The following GALNT13 variants were observed in gnomAD, a reference collection of about 807,000 sequenced individuals.
The protein encoded by GALNT13 is polypeptide N-acetylgalactosaminyltransferase 13.
GALNT13 carries 28 observed loss-of-function variants against 64.2 expected under a neutral mutation model. That is an observed-to-expected ratio of 0.44 (90% CI 0.32 to 0.60). GALNT13 has a LOEUF of 0.60. Ranked by LOEUF, GALNT13 falls within the 20% of genes least tolerant of loss-of-function variation. GALNT13 has a pLI of 0.05. For synonymous variants in GALNT13, 214 were observed against 224.6 expected (o/e 0.95, Z 0.42); for missense variants, 577 against 669.8 (o/e 0.86, Z 1.53).
chr2:153,675,094 T>C, the GALNT13 span, among the ~76,000 whole-genome samples: 1 of 152,234 alleles, frequency 6.6e-6, no homozygotes, highest in African/African-American at 2.4e-5. Flanking sequence ...TTGCACTGTT[T>C]GCAGGAGTGT....
intron 3 of GALNT13, among the ~76,000 whole-genome samples, chr2:153,960,326 G>C (rs1418512583): frequency 6.6e-6 from 1 of 152,194 alleles, no homozygotes; most frequent in Non-Finnish European, 1.5e-5. Flanking sequence ...CAGGGCAGGA[G>C]AGCCCCAGAG....
At chr2:153,634,739 C>T in the GALNT13 span, among the ~76,000 whole-genome samples, 4 of 151,326 alleles carry the variant, frequency 2.6e-5, no homozygotes, top group African/African-American at 4.9e-5. Context: ...TTAGTAGAGA[C>T]GGGGTTTCAC....
the GALNT13 span, among the ~76,000 whole-genome samples, chr2:153,672,482 T>C: frequency 6.6e-6 from 1 of 152,022 alleles, no homozygotes; most frequent in East Asian, 1.9e-4. Context: ...AAGGCAGAAA[T>C]AAAGAAGTTC....
chr2:154,227,535 G>A (rs139543328), intron 4 of GALNT13, among the ~76,000 whole-genome samples: 5,813 of 132,978 alleles, frequency 0.044, 374 homozygotes, highest in African/African-American at 0.16. Flanking sequence ...CTGTGTCCAT[G>A]TGTTCTCATT....
chr2:153,448,818 T>C, the GALNT13 span, among the ~76,000 whole-genome samples: 1 of 152,128 alleles, frequency 6.6e-6, no homozygotes, highest in African/African-American at 2.4e-5. Context: ...AATGTCTGTG[T>C]CCCCTTAAAC....
the GALNT13 span, among the ~76,000 whole-genome samples, chr2:153,801,406 C>A: frequency 3.8e-3 from 578 of 151,584 alleles, 3 homozygotes; most frequent in African/African-American, 0.014. Flanking sequence ...TCCTTTCACT[C>A]GAACACTAAG....
chr2:154,381,441 C>T (rs1698265194), intron 9 of GALNT13, among the ~76,000 whole-genome samples: 1 of 152,072 alleles, frequency 6.6e-6, no homozygotes, highest in Non-Finnish European at 1.5e-5. Context: ...GTACATCTCT[C>T]AAATACACTT....
chr2:153,401,014 T>C, the GALNT13 span, among the ~76,000 whole-genome samples: 1 of 151,452 alleles, frequency 6.6e-6, no homozygotes, highest in East Asian at 2.0e-4. Context: ...TTAATTGTGA[T>C]GTTAGGGTGT....
chr2:153,421,743 AGT>A, the GALNT13 span: 1 of 252,780 alleles, frequency 4.0e-6, no homozygotes, highest in Non-Finnish European at 8.3e-6. Context: ...AAACTTCATC[AGT>A]GACTATGGGT....
intron 10 of GALNT13, among the ~76,000 whole-genome samples, chr2:154,407,143 G>A (rs1397733236): frequency 2.0e-5 from 3 of 152,064 alleles, no homozygotes; most frequent in Admixed American, 6.6e-5. Context: ...AATTCAAGCT[G>A]TAACCCCTGT....
At chr2:154,216,540 C>T (rs1688051755) in intron 4 of GALNT13, among the ~76,000 whole-genome samples, 1 of 152,002 alleles carries the variant, frequency 6.6e-6, no homozygotes, top group Admixed American at 6.6e-5. Flanking sequence ...ATGGCTTGCA[C>T]TCGAAAAATG....
At chr2:153,581,842 T>C in the GALNT13 span, among the ~76,000 whole-genome samples, 1 of 152,144 alleles carries the variant, frequency 6.6e-6, no homozygotes, top group East Asian at 1.9e-4. Context: ...AAATGGGATG[T>C]TCAATAATTT....
At chr2:154,024,559 T>A (rs6728492) in intron 3 of GALNT13, among the ~76,000 whole-genome samples, 1 of 152,128 alleles carries the variant, frequency 6.6e-6, no homozygotes. Context: ...CTTTAAGGAC[T>A]TCTCTGCGTT....
At chr2:154,265,256 A>G (rs912031456) in intron 8 of GALNT13, among the ~76,000 whole-genome samples, 29 of 152,138 alleles carry the variant, frequency 1.9e-4, no homozygotes, top group African/African-American at 6.5e-4. Context: ...GAAAGAAAAA[A>G]TAGACCAAAC....
At chr2:153,747,501 C>T in the GALNT13 span, among the ~76,000 whole-genome samples, 16 of 141,200 alleles carry the variant, frequency 1.1e-4, no homozygotes, top group African/African-American at 4.1e-4. Flanking sequence ...AATCTTGGGT[C>T]GCTGCAATCT....
At chr2:153,668,238 C>T in the GALNT13 span, among the ~76,000 whole-genome samples, 3 of 152,074 alleles carry the variant, frequency 2.0e-5, no homozygotes, top group Non-Finnish European at 4.4e-5. Flanking sequence ...GACCTAAACA[C>T]AACACTTGAC....
intron 3 of GALNT13, among the ~76,000 whole-genome samples, chr2:153,991,926 C>G (rs1695185281): frequency 6.6e-6 from 1 of 152,078 alleles, no homozygotes; most frequent in African/African-American, 2.4e-5. Flanking sequence ...CAAGCTTGTA[C>G]TTAATGCCAA....
the GALNT13 span, among the ~76,000 whole-genome samples, chr2:153,298,449 T>C: frequency 6.6e-6 from 1 of 152,208 alleles, no homozygotes; most frequent in South Asian, 2.1e-4. Flanking sequence ...GTCTTACAGT[T>C]ACCCAAGTGC....
the GALNT13 span, among the ~76,000 whole-genome samples, chr2:153,555,182 A>C: frequency 1.3e-5 from 2 of 150,980 alleles, no homozygotes; most frequent in Non-Finnish European, 3.0e-5. Flanking sequence ...TGTGAAACAG[A>C]AGCTTTACTT....
Sources: allele counts gnomAD v4.1 joint callset (sites outside exome capture counted in the v4.1 genomes callset), GRCh38; gene constraint gnomAD v4.1.1; transcripts MANE v1.5; gene names NCBI Gene and HGNC (gene_info 2026-07-23, HGNC 2026-07-21).